Variants in CLASP1 observed in about 807,000 individuals in gnomAD.
CLASP1 encodes the protein cytoplasmic linker associated protein 1.
In CLASP1, 38 loss-of-function variants were observed where a neutral mutation model predicts 192.3. That is an observed-to-expected ratio of 0.20 (90% confidence interval 0.15 to 0.26). The LOEUF (loss-of-function observed/expected upper bound fraction) is 0.26. Among genes scored for constraint, CLASP1 ranks in the 10% least tolerant of loss-of-function variants. CLASP1 has a pLI of 1.00. For missense variants in CLASP1, 1,433 were observed against 1,932.5 expected, an observed-to-expected ratio of 0.74 and a Z score of 4.85; for synonymous variants, 691 against 712.8, an observed-to-expected ratio of 0.97 and a Z score of 0.49.
chr2:121,448,351 AT>A, intron 17 of CLASP1, 26 bp from the exon 18 acceptor site: 1 of 1,525,826 alleles, frequency 6.6e-7, no homozygotes, highest in Non-Finnish European at 9.1e-7. Context: ...TATATTATTT[AT>A]TACATGTACT....
At chr2:121,526,657 A>T (rs1201400950) in intron 5 of CLASP1, among the ~76,000 whole-genome samples, 1 of 152,222 alleles carries the variant, frequency 6.6e-6, no homozygotes, top group Non-Finnish European at 1.5e-5. Flanking sequence ...CAAGTAATAT[A>T]AACATTATAA....
At chr2:121,352,270 G>A (rs908182813) in intron 37 of CLASP1, among the ~76,000 whole-genome samples, 2 of 152,240 alleles carry the variant, frequency 1.3e-5, no homozygotes, top group East Asian at 1.9e-4. Context: ...TGCCTCGTCC[G>A]GGCACCTCAG....
Position 121,387,810 on chromosome 2 carries a change from T to C in CLASP1, c.3220A>G (p.Thr1074Ala), listed in dbSNP as rs2073589496. The C allele has an allele frequency of 4.3e-6, 7 of 1,613,858 alleles. No homozygotes were observed. In the East Asian group the frequency reaches 1.6e-4, roughly 36 times the overall value. ...TTGAGGTGGTTGTGCAGGAGTTTGG[T>C]GGCACCATCCTGGAATGTTTTTGGC... is the stretch of plus-strand genomic sequence containing the variant. Residue 1074 changes from threonine (T) to alanine (A), a missense_variant, in exon 31 of 40, where the codon ACC (threonine) becomes GCC (alanine). Coordinates refer to ENST00000263710, the Ensembl canonical transcript of CLASP1.
At chr2:121,491,729 C>T (rs2093317083) in intron 8 of CLASP1, among the ~76,000 whole-genome samples, 1 of 152,188 alleles carries the variant, frequency 6.6e-6, no homozygotes, top group Non-Finnish European at 1.5e-5. Flanking sequence ...CTTCGGGTAA[C>T]CTAGCAACAA....
At chr2:121,632,565 C>T (rs1240731057) in intron 1 of CLASP1, among the ~76,000 whole-genome samples, 1 of 151,852 alleles carries the variant, frequency 6.6e-6, no homozygotes, top group Admixed American at 6.6e-5. Flanking sequence ...CTTCAATGTA[C>T]TCACATAGAA....
At position 121,499,310 on chromosome 2, in the gene CLASP1, C is replaced by T. The variant is rs112799163; in HGVS notation, c.712+3857G>A. Among the ~76,000 whole-genome samples the T allele has an allele frequency of 3.5e-4, 54 of 152,176 alleles. 1 individual carries two copies. The South Asian group carries it at 8.1e-3, about 23-fold the overall frequency. Reference sequence around the variant, plus strand: ...TGAAAACATTATGCTAAGTGAAAGACACCAGACACAAAAGCCAAATATTGT... The same window carrying T: ...TGAAAACATTATGCTAAGTGAAAGATACCAGACACAAAAGCCAAATATTGT... On this transcript the variant is annotated intron_variant, in intron 8 of 39. Transcript: ENST00000263710.
At chr2:121,352,062 G>A (rs977168890) in intron 37 of CLASP1, among the ~76,000 whole-genome samples, 17 of 152,224 alleles carry the variant, frequency 1.1e-4, no homozygotes, top group Non-Finnish European at 1.9e-4. Flanking sequence ...TCTGTGCAGA[G>A]GGCCAGCATG....
intron 34 of CLASP1, among the ~76,000 whole-genome samples, chr2:121,372,843 C>G (rs2069036748): frequency 6.6e-6 from 1 of 152,222 alleles, no homozygotes; most frequent in South Asian, 2.1e-4. Flanking sequence ...CCTTCCTGCT[C>G]TGAATCTCCC....
chr2:121,520,278 C>T (rs1261126099), intron 6 of CLASP1, among the ~76,000 whole-genome samples: 16 of 152,192 alleles, frequency 1.1e-4, no homozygotes, highest in Admixed American at 9.8e-4. Flanking sequence ...AAGCAAAAAA[C>T]TCAAAGGAAG....
intron 1 of CLASP1, among the ~76,000 whole-genome samples, chr2:121,649,034 C>T (rs982377170): frequency 6.6e-6 from 1 of 152,186 alleles, no homozygotes; most frequent in African/African-American, 2.4e-5. Context: ...TTCTCCCACC[C>T]GGCAGGGGAG....
At chr2:121,614,218 G>C (rs988396219) in intron 1 of CLASP1, among the ~76,000 whole-genome samples, 1 of 152,206 alleles carries the variant, frequency 6.6e-6, no homozygotes, top group Admixed American at 6.5e-5. Flanking sequence ...TGAGGAAGCC[G>C]GGCGCGGTGG....
At chr2:121,618,275 GC>G (rs2066776781) in intron 1 of CLASP1, among the ~76,000 whole-genome samples, 1 of 152,204 alleles carries the variant, frequency 6.6e-6, no homozygotes, top group Non-Finnish European at 1.5e-5. Flanking sequence ...GTTTGCTTGG[GC>G]TGAAAATCAA....
chr2:121,359,957 C>T (rs1490891631), intron 37 of CLASP1, among the ~76,000 whole-genome samples: 4 of 152,210 alleles, frequency 2.6e-5, no homozygotes, highest in Non-Finnish European at 5.9e-5. Flanking sequence ...ACAAAGCAGA[C>T]GCTTGCTTAT....
intron 8 of CLASP1, among the ~76,000 whole-genome samples, chr2:121,489,536 GTC>G (rs1277013876): frequency 6.6e-6 from 1 of 152,184 alleles, no homozygotes; most frequent in Admixed American, 6.5e-5. Context: ...CAAATTAAGA[GTC>G]TGCCAGCAAA....
intron 8 of CLASP1, among the ~76,000 whole-genome samples, chr2:121,485,279 A>C (rs2092893849): frequency 6.6e-6 from 1 of 152,228 alleles, no homozygotes; most frequent in Admixed American, 6.5e-5. Flanking sequence ...ACTAAGCAGC[A>C]GGGCAAGGCT....
chr2:121,374,636 C>A (rs780147390), intron 34 of CLASP1, among the ~76,000 whole-genome samples: 2 of 152,196 alleles, frequency 1.3e-5, no homozygotes, highest in Non-Finnish European at 2.9e-5. Flanking sequence ...CTGCCCAAGG[C>A]CTTGGGAGCC....
intron 37 of CLASP1, among the ~76,000 whole-genome samples, chr2:121,351,809 A>C (rs923306896): frequency 6.6e-6 from 1 of 152,176 alleles, no homozygotes; most frequent in Non-Finnish European, 1.5e-5. Flanking sequence ...CTCACTATGT[A>C]TGTGAAGGTC....
intron 2 of CLASP1, chr2:121,530,821 T>C: frequency 1.6e-6 from 1 of 634,992 alleles, no homozygotes; most frequent in Non-Finnish European, 2.9e-6. Flanking sequence ...ACGAATTAAT[T>C]ACCACAACCC....
intron 2 of CLASP1, among the ~76,000 whole-genome samples, chr2:121,540,193 T>C (rs1480152532): frequency 6.6e-6 from 1 of 152,184 alleles, no homozygotes; most frequent in African/African-American, 2.4e-5. Flanking sequence ...AATCCTTAAG[T>C]CCATCCACTG....
Sources: gnomAD v4.1 joint callset for allele counts (sites outside exome capture counted in the v4.1 genomes callset) on GRCh38, gnomAD v4.1.1 for gene constraint, MANE v1.5 for transcripts, NCBI Gene and HGNC (gene_info 2026-07-23, HGNC 2026-07-21) for gene names.